CALN1: variants seen among roughly 807,000 people sequenced by gnomAD.
CALN1 encodes calneuron 1.
CALN1 carries 17 observed loss-of-function variants against 30.6 expected under a neutral mutation model. The observed-to-expected ratio is 0.56, with a 90% confidence interval of 0.38 to 0.83. The LOEUF (loss-of-function observed/expected upper bound fraction) is 0.83, where lower values mean the gene tolerates loss of function less well. Ranked by LOEUF, CALN1 falls within the 40% of genes least tolerant of loss-of-function variation. CALN1 has a pLI of 0.00. For missense variants in CALN1, 291 were observed against 354.9 expected, an observed-to-expected ratio of 0.82 and a Z score of 1.45; for synonymous variants, 156 against 131.4, an observed-to-expected ratio of 1.19 and a Z score of -1.28.
chr7:72,402,804 T>C (rs907346663), intron 2 of CALN1, among the ~76,000 whole-genome samples: 1 of 152,182 alleles, frequency 6.6e-6, no homozygotes, highest in African/African-American at 2.4e-5. Context: ...TGGGTAGGAA[T>C]CCCAGGTTTG....
At chr7:72,097,170 G>C (rs1165434955) in intron 4 of CALN1, among the ~76,000 whole-genome samples, 2 of 152,020 alleles carry the variant, frequency 1.3e-5, no homozygotes, top group African/African-American at 2.4e-5. Context: ...GGGGTGGGGG[G>C]AGAGGGGAGG....
chr7:72,165,614 GCAAA>G (rs2129545096), intron 3 of CALN1, among the ~76,000 whole-genome samples: 2 of 151,576 alleles, frequency 1.3e-5, no homozygotes, highest in South Asian at 4.3e-4. Flanking sequence ...AAACAAACAA[GCAAA>G]CAAAGAAAAG....
At chr7:72,194,462 G>A (rs1031557774) in intron 3 of CALN1, among the ~76,000 whole-genome samples, 9 of 152,070 alleles carry the variant, frequency 5.9e-5, no homozygotes, top group African/African-American at 2.2e-4. Flanking sequence ...CCTGGGAGAG[G>A]GAGGTTGCAG....
chr7:72,086,587 C>T (rs562832447), intron 4 of CALN1, among the ~76,000 whole-genome samples: 1 of 152,150 alleles, frequency 6.6e-6, no homozygotes, highest in Admixed American at 6.5e-5. Context: ...GCCCGTGCCA[C>T]CATGCCTGGC....
intron 5 of CALN1, among the ~76,000 whole-genome samples, chr7:71,951,820 C>T (rs896519842): frequency 4.6e-5 from 7 of 152,218 alleles, no homozygotes; most frequent in Admixed American, 3.3e-4. Flanking sequence ...CACCCTGAGC[C>T]AGGATTTGAA....
At chr7:72,170,037 C>T (rs1788826590) in intron 3 of CALN1, among the ~76,000 whole-genome samples, 1 of 152,172 alleles carries the variant, frequency 6.6e-6, no homozygotes, top group Non-Finnish European at 1.5e-5. Context: ...CACTCTGTCA[C>T]CCAGGCTGGA....
rs1012182395 is a variant in CALN1 at position 72,006,158 on chromosome 7, G to C, written c.501+17499C>G. Among the ~76,000 whole-genome samples, 64 of 152,156 alleles carry C rather than the reference G, an allele frequency of 4.2e-4. 1 individual carries two copies. Among genetic ancestry groups the C allele is most frequent in the Admixed American group, 4.2e-3 (64 of 15,264 alleles). ...AAAAAATCCAGCTTGCATAGTGCCA[G>C]ATTTAACAGACATTGGGAAGTAAAT... On this transcript the variant is annotated intron_variant, in intron 5 of 6. Coordinates refer to ENST00000395275, the MANE Select transcript of CALN1 (RefSeq NM_031468.4).
At chr7:72,138,442 G>C (rs551010639) in intron 3 of CALN1, among the ~76,000 whole-genome samples, 1 of 152,310 alleles carries the variant, frequency 6.6e-6, no homozygotes, top group East Asian at 1.9e-4. Context: ...TGAAGCCTCA[G>C]AGTAGAAATC....
At chr7:72,018,737 A>G (rs1428906060) in intron 5 of CALN1, among the ~76,000 whole-genome samples, 2 of 152,236 alleles carry the variant, frequency 1.3e-5, no homozygotes, top group East Asian at 1.9e-4. Flanking sequence ...AGTACCAACC[A>G]ATAAATAGCT....
At chr7:72,120,514 T>C (rs556307662) in intron 3 of CALN1, among the ~76,000 whole-genome samples, 2 of 152,296 alleles carry the variant, frequency 1.3e-5, no homozygotes, top group Non-Finnish European at 2.9e-5. Context: ...TGTACACAAA[T>C]TGTCATGCAT....
chr7:72,103,068 T>TA (rs1806797431), intron 4 of CALN1: 1 of 32,870 alleles, frequency 3.0e-5, no homozygotes. Flanking sequence ...CGAGACTCCG[T>TA]CAAAAAAAAA....
intron 4 of CALN1, among the ~76,000 whole-genome samples, chr7:72,029,534 G>A (rs1216782022): frequency 6.6e-6 from 1 of 152,144 alleles, no homozygotes; most frequent in Non-Finnish European, 1.5e-5. Context: ...AGTGGGAGAT[G>A]ATCACCAGAA....
intron 3 of CALN1, among the ~76,000 whole-genome samples, chr7:72,196,771 T>A (rs1373599387): frequency 1.3e-5 from 2 of 152,168 alleles, no homozygotes; most frequent in Non-Finnish European, 2.9e-5. Flanking sequence ...ACCTTACCTA[T>A]GTAATTATTT....
At chr7:72,057,839 T>C (rs988103637) in intron 4 of CALN1, among the ~76,000 whole-genome samples, 5 of 152,210 alleles carry the variant, frequency 3.3e-5, no homozygotes, top group African/African-American at 1.2e-4. Context: ...GCATGAAATA[T>C]GTTTGTAATG....
At chr7:72,193,584 T>G (rs191178851) in intron 3 of CALN1, among the ~76,000 whole-genome samples, 1 of 152,110 alleles carries the variant, frequency 6.6e-6, no homozygotes, top group Non-Finnish European at 1.5e-5. Flanking sequence ...CCACTACACA[T>G]GTGGGCTAGA....
In CALN1 at chr7:72,261,141, T is replaced by C. The variant is rs1796245333; in HGVS notation, c.244+17545A>G. On this transcript the variant is annotated intron_variant, in intron 3 of 6. Transcript: ENST00000395275. ...GGGCCAACATAGTGAAACCCATCTC[T>C]ACAAAAAATTACAAAAATTCGCCAG... 1.3e-5 allele frequency among the ~76,000 whole-genome samples: 2 copies of C among 152,022 alleles called. 1 individual carries two copies. The highest frequency in any genetic ancestry group is 2.9e-5 in the Non-Finnish European group (2 of 67,998).
chr7:72,019,352 C>T (rs2129529914), intron 5 of CALN1, among the ~76,000 whole-genome samples: 1 of 152,234 alleles, frequency 6.6e-6, no homozygotes, highest in East Asian at 1.9e-4. Flanking sequence ...GGTAGCTAGC[C>T]TCCAAAGTGA....
intron 2 of CALN1, among the ~76,000 whole-genome samples, chr7:72,305,985 A>G (rs933402442): frequency 1.3e-5 from 2 of 152,120 alleles, no homozygotes; most frequent in African/African-American, 4.8e-5. Context: ...GACATCATCT[A>G]AACTTAATTA....
intron 3 of CALN1, among the ~76,000 whole-genome samples, chr7:72,151,749 T>G (rs1027264511): frequency 6.6e-6 from 1 of 152,108 alleles, no homozygotes; most frequent in Non-Finnish European, 1.5e-5. Context: ...TCTCACTCCA[T>G]GGTGTAGGCT....
Sources: allele counts gnomAD v4.1 joint callset (sites outside exome capture counted in the v4.1 genomes callset), GRCh38; gene constraint gnomAD v4.1.1; transcripts MANE v1.5; gene names NCBI Gene and HGNC (gene_info 2026-07-23, HGNC 2026-07-21).